Variants in ZNF687 observed in about 807,000 individuals in gnomAD.
ZNF687 encodes zinc finger protein 687.
In ZNF687, 13 loss-of-function variants were observed where a neutral mutation model predicts 71.8. That is an observed-to-expected ratio of 0.18 (90% CI 0.12 to 0.29). ZNF687 has a LOEUF of 0.29. ZNF687 is among the 10% of genes least tolerant of loss of function. The pLI, the probability that ZNF687 is intolerant of heterozygous loss-of-function variation, is 1.00. For synonymous variants in ZNF687, 673 were observed against 641.6 expected (o/e 1.05, Z -0.74); for missense variants, 1,412 against 1,625.6 (o/e 0.87, Z 2.26).
At chr1:151,281,632 C>G (rs1243401689), upstream of ZNF687, 2 of 471,022 alleles carry the variant, frequency 4.2e-6, no homozygotes, top group Non-Finnish European at 8.8e-6. Flanking sequence ...CGCTGTCGCC[C>G]AGGAGCTGAA....
At position 151,291,426 on chromosome 1, in the gene ZNF687, C is replaced by G; in HGVS notation, c.*217C>G. On this transcript the variant is annotated 3_prime_UTR_variant, in exon 9 of 9. Coordinates refer to ENST00000336715, the MANE Select transcript of ZNF687 (RefSeq NM_020832.3). ...GTCCTAGTAGAGTGGACCCTCCATT[C>G]CTCCTTTCTGAGCCCAACACTAATT... 1 of 564,760 alleles carries G rather than the reference C, an allele frequency of 1.8e-6. No homozygotes were observed. The highest frequency in any genetic ancestry group is 3.0e-6 in the Non-Finnish European group (1 of 328,356). The allele number at this position is 564,760 out of a possible 1,614,324, so 35.0% of individuals were successfully genotyped here. A position where few individuals can be genotyped will look rare whatever the true frequency, so the allele number is the denominator to read the frequency against.
chr1:151,284,335 G>C (rs1414709245), intron 1 of ZNF687: 3 of 924,310 alleles, frequency 3.2e-6, no homozygotes, highest in South Asian at 1.0e-4. Flanking sequence ...GGGCTGGCTA[G>C]GGGAGGGCCA....
Position 151,286,949 on chromosome 1 carries a change from G to A in ZNF687, c.658G>A (p.Ala220Thr). The change falls in exon 2 of 9, where the codon GCC becomes ACC. Residue 220 changes from alanine to threonine, a missense_variant. Physicochemically the swap from Ala to Thr is moderately conservative, Grantham distance 58. This residue lies in a region of ZNF687 where 490 missense variants were observed against 489.9 expected (regional missense o/e 1.00). Transcript: ENST00000336715. ...QPPVSSPPLG[A>T]LKQESCSPHH... ...ACCTGTTTCTTCCCCACCATTGGGG[G>A]CCTTGAAGCAGGAGAGCTGCAGCCC... The A allele has an allele frequency of 1.2e-6, 2 of 1,611,110 alleles. No homozygotes were observed. The highest frequency in any genetic ancestry group is 1.1e-5 in the South Asian group (1 of 90,702).
At chr1:151,290,331 T>C (rs772826655) in intron 7 of ZNF687, 97 bp downstream of exon 7, 5 of 1,609,400 alleles carry the variant, frequency 3.1e-6, no homozygotes, top group South Asian at 1.1e-5. Context: ...AGTGGCCTGA[T>C]GGTTGGGGTC....
At position 151,287,058 on chromosome 1, in the gene ZNF687, C is replaced by T; in HGVS notation, c.767C>T (p.Pro256Leu). The T allele has an allele frequency of 6.2e-7, 1 of 1,611,166 alleles. No individual in the cohort carries two copies. The highest frequency in any genetic ancestry group is 8.5e-7 in the Non-Finnish European group (1 of 1,177,796). ...TDIPASASPP[P>L]VAGVPFFKQS... ...ATCCCTGCCAGTGCCTCGCCTCCCC[C>T]AGTTGCTGGGGTGCCCTTCTTCAAG... The change falls in exon 2 of 9, where the codon CCA becomes CTA. Residue 256 changes from proline (P) to leucine (L), a missense_variant. Transcript: ENST00000336715. The surrounding 1 kb of genome is among the most constrained non-coding windows in gnomAD (Gnocchi z 5.0).
chr1:151,286,606 C>A lies in ZNF687; in HGVS notation c.315C>A (p.Asp105Glu). 1 of 1,614,216 alleles carries A rather than the reference C, an allele frequency of 6.2e-7. No individual in the cohort carries two copies. Among genetic ancestry groups the A allele is most frequent in the Non-Finnish European group, 8.5e-7 (1 of 1,180,042 alleles). ...CCCTGGCTGGAGGCTCAGCAGGAGA[C>A]GGGGCCCAGGCTGCTGGGGTAACTA... ...SEALAGGSAG[D>E]GAQAAGVTKE... is the part of the protein sequence containing the mutation. Residue 105 changes from aspartate (D) to glutamate (E), a missense_variant, in exon 2 of 9, where the codon GAC becomes GAA. Physicochemically the swap from Asp to Glu is conservative, Grantham distance 45. Around this residue, in one of 8 missense-constraint regions of ZNF687, gnomAD observed 490 missense variants for 489.9 expected, o/e 1.00. Coordinates refer to ENST00000336715, the MANE Select transcript of ZNF687 (RefSeq NM_020832.3).
intron 1 of ZNF687, 80 bp downstream of exon 1, chr1:151,282,475 A>C (rs1693754022): frequency 1.1e-6 from 1 of 918,772 alleles, no homozygotes; most frequent in Non-Finnish European, 1.3e-6. Context: ...CCCCTCCCCC[A>C]CTTGGTCAAC....
chr1:151,282,578 C>T (rs976545934), intron 1 of ZNF687, among the ~76,000 whole-genome samples, 183 bp downstream of exon 1: 3 of 152,210 alleles, frequency 2.0e-5, no homozygotes, highest in African/African-American at 7.2e-5. Flanking sequence ...AACTCCTGGC[C>T]TGTTGTAAGC....
At position 151,287,039 on chromosome 1, in the gene ZNF687, G is replaced by T. The variant is rs1557769136; in HGVS notation, c.748G>T (p.Ala250Ser). 2 of 1,608,686 alleles carry T rather than the reference G, an allele frequency of 1.2e-6. No homozygotes were observed. The highest frequency in any genetic ancestry group is 1.3e-5 in the African/African-American group (1 of 74,942). ...CAGCCCTAAGGCCACGGACATCCCTGCCAGTGCCTCGCCTCCCCCAGTTGC... is the reference window on the plus strand; with the variant it reads ...CAGCCCTAAGGCCACGGACATCCCTTCCAGTGCCTCGCCTCCCCCAGTTGC... ...GSSPKATDIP[A>S]SASPPPVAGV... Residue 250 changes from alanine (A) to serine (S), a missense_variant, in exon 2 of 9, where the codon GCC becomes TCC. Transcript: ENST00000336715. The surrounding 1 kb of genome is among the most constrained non-coding windows in gnomAD (Gnocchi z 5.0).
At position 151,286,623 on chromosome 1, in the gene ZNF687, G is replaced by C; in HGVS notation, c.332G>C (p.Gly111Ala). Residue 111 changes from glycine to alanine, a missense_variant, in exon 2 of 9, where the codon GGG (glycine) becomes GCG (alanine). Gly to Ala is a moderately conservative substitution (Grantham distance 60, BLOSUM62 0). Coordinates refer to ENST00000336715, the MANE Select transcript of ZNF687 (RefSeq NM_020832.3). ...GCAGGAGACGGGGCCCAGGCTGCTG[G>C]GGTAACTAAAGAAGGGCCTGTGGGG... ...GSAGDGAQAA[G>A]VTKEGPVGPH... is the part of the protein sequence containing the mutation. 4 of 1,614,228 alleles carry C rather than the reference G, an allele frequency of 2.5e-6. No individual in the cohort carries two copies. The highest frequency in any genetic ancestry group is 2.5e-6 in the Non-Finnish European group (3 of 1,180,036).
chr1:151,290,294 A>G, intron 7 of ZNF687, 60 bp downstream of exon 7: 2 of 1,609,282 alleles, frequency 1.2e-6, no homozygotes, highest in Non-Finnish European at 1.7e-6. Flanking sequence ...TGTATGCCAA[A>G]GTACCTGTGC....
chr1:151,286,171 A>G (rs767054627), intron 1 of ZNF687, 104 bp from the exon 2 acceptor site: 39 of 961,672 alleles, frequency 4.1e-5, no homozygotes, highest in Admixed American at 3.4e-4. Context: ...GTTGGAGTGT[A>G]TGTGGGTTCT....
intron 8 of ZNF687, 38 bp downstream of exon 8, chr1:151,290,611 G>A (rs1399179406): frequency 2.5e-6 from 4 of 1,596,742 alleles, no homozygotes; most frequent in Admixed American, 3.4e-5. Flanking sequence ...AGGGCTTTGA[G>A]TGGGAAACTG....
In ZNF687 at chr1:151,290,017, C is replaced by A; in HGVS notation, c.2964+10C>A. The A allele has an allele frequency of 6.3e-7, 1 of 1,590,878 alleles. No homozygotes were observed. On this transcript the variant is annotated intron_variant, in intron 6 of 8. Coordinates refer to ENST00000336715, the MANE Select transcript of ZNF687 (RefSeq NM_020832.3). ...GAAGGAGCATGGCAAGGTGAGTGGG[C>A]CCCAAGGGGAGTACCATGGGCTGGG...
Position 151,286,398 on chromosome 1 carries a change from G to A in ZNF687, c.107G>A (p.Gly36Glu). 1 of 1,613,142 alleles carries A rather than the reference G, an allele frequency of 6.2e-7. No individual in the cohort carries two copies. Among genetic ancestry groups the A allele is most frequent in the Non-Finnish European group, 8.5e-7 (1 of 1,179,780 alleles). The change falls in exon 2 of 9, where the codon GGG becomes GAG. Residue 36 changes from glycine (G) to glutamate (E), a missense_variant. Physicochemically the swap from Gly to Glu is moderately conservative, Grantham distance 98. This residue lies in a region of ZNF687 where 490 missense variants were observed against 489.9 expected (regional missense o/e 1.00). Coordinates refer to ENST00000336715, the MANE Select transcript of ZNF687 (RefSeq NM_020832.3). The stretch of plus-strand genomic sequence containing the variant: ...CATTCTGGGCCAGAAGAAAATGAGG[G>A]GCCTGGAGGCCCAGGGAAGCCAGAA... ...AIHSGPEENE[G>E]PGGPGKPEPG...
rs367715118 is a variant in ZNF687 at position 151,291,123 on chromosome 1, G to A, written c.3628G>A (p.Asp1210Asn). The change falls in exon 9 of 9, where the codon GAC becomes AAC. Residue 1210 changes from aspartate (D) to asparagine (N), a missense_variant. Physicochemically the swap from Asp to Asn is conservative, Grantham distance 23. Coordinates refer to ENST00000336715, the MANE Select transcript of ZNF687 (RefSeq NM_020832.3). ...LTCKVCGKSCDSPLNLKTHFR... is the reference protein window; with the variant it reads ...LTCKVCGKSCNSPLNLKTHFR... ...CTGTAAGGTCTGTGGCAAGAGCTGCGACAGCCCTCTAAACCTCAAGACCCA... is the reference window on the plus strand; with the variant it reads ...CTGTAAGGTCTGTGGCAAGAGCTGCAACAGCCCTCTAAACCTCAAGACCCA... The A allele has an allele frequency of 2.1e-5, 34 of 1,613,258 alleles. No individual in the cohort carries two copies. The highest frequency in any genetic ancestry group is 3.3e-5 in the Admixed American group (2 of 60,002).
rs148402804 is a variant in ZNF687 at position 151,289,853 on chromosome 1, C to T, written c.2810C>T (p.Pro937Leu). 182 of 1,568,152 alleles carry T rather than the reference C, an allele frequency of 1.2e-4. No homozygotes were observed. The highest frequency in any genetic ancestry group is 2.8e-4 in the South Asian group (24 of 85,960). Residue 937 changes from proline to leucine, a missense_variant, in exon 6 of 9, where the codon CCC (proline) becomes CTC (leucine). Physicochemically the swap from Pro to Leu is moderately conservative, Grantham distance 98. Coordinates refer to ENST00000336715, the MANE Select transcript of ZNF687 (RefSeq NM_020832.3). ...GAGGAAGTACCCAGCTCCCCTGAGC[C>T]CCCCCGTCCAGCCAAACGGCCTCGG... ...EEEEVPSSPE[P>L]PRPAKRPRRE...
intron 1 of ZNF687, 64 bp downstream of exon 1, chr1:151,282,459 C>T: frequency 4.2e-6 from 4 of 958,904 alleles, no homozygotes; most frequent in Non-Finnish European, 5.0e-6. Flanking sequence ...CGGGTAAATA[C>T]CCCCGCCCCT....
Position 151,290,955 on chromosome 1 carries a change from C to G in ZNF687, c.3460C>G (p.Arg1154Gly), listed in dbSNP as rs139589523. The G allele has an allele frequency of 6.2e-6, 10 of 1,613,754 alleles. No individual in the cohort carries two copies. In the African/African-American group the frequency reaches 9.3e-5, roughly 15 times the overall value. ...CTCCCCTGGCTCCCTGAGCCGACAC[C>G]GTTTCATCAGCCACAAGAAGAGACG... Reference protein sequence around the residue: ...FASPGSLSRHRFISHKKRRGV... With the variant: ...FASPGSLSRHGFISHKKRRGV... The change falls in exon 9 of 9, where the codon CGT becomes GGT. Residue 1154 changes from arginine (R) to glycine (G), a missense_variant. Physicochemically the swap from Arg to Gly is moderately radical, Grantham distance 125. Transcript: ENST00000336715.
Sources: allele counts gnomAD v4.1 joint callset (sites outside exome capture counted in the v4.1 genomes callset), GRCh38; gene constraint gnomAD v4.1.1; regional missense constraint gnomAD v4.1.1; non-coding constraint Gnocchi (gnomAD v3.1); transcripts MANE v1.5; gene names NCBI Gene and HGNC (gene_info 2026-07-23, HGNC 2026-07-21).